The following AGRN variants were observed in gnomAD, a reference collection of about 807,000 sequenced individuals.
AGRN encodes the protein agrin.
In AGRN, 106 loss-of-function variants were observed where a neutral mutation model predicts 211.0. The observed-to-expected ratio is 0.50, with a 90% CI of 0.43 to 0.59. The LOEUF (loss-of-function observed/expected upper bound fraction) is 0.59. AGRN is among the 20% of genes least tolerant of loss of function. The pLI, the probability that AGRN is intolerant of heterozygous loss-of-function variation, is 0.00. For synonymous variants in AGRN, 1,525 were observed against 1,332.5 expected, an observed-to-expected ratio of 1.14 and a Z score of -3.15; for missense variants, 3,040 against 2,982.6, an observed-to-expected ratio of 1.02 and a Z score of -0.45.
At position 1,048,683 on chromosome 1, in the gene AGRN, C is replaced by A; in HGVS notation, c.4106-184C>A. ...TCGTGAGGCTGAGGCAGGAGAATCG[C>A]TTGAACCTGGCAGGCGGAGGTTGCG... On this transcript the variant is annotated intron_variant, in intron 23 of 35. Transcript: ENST00000379370. The surrounding 1 kb of genome is among the most constrained non-coding windows in gnomAD (Gnocchi z 5.9). 1 of 728,030 alleles carries A rather than the reference C, an allele frequency of 1.4e-6. No individual in the cohort carries two copies. The allele number at this position is 728,030 out of a possible 1,614,324, so 45.1% of individuals were successfully genotyped here. A position where few individuals can be genotyped will look rare whatever the true frequency, so the allele number is the denominator to read the frequency against.
At position 1,054,867 on chromosome 1, in the gene AGRN, C is replaced by T. The variant is rs1182389812; in HGVS notation, c.6024C>T (p.Ala2008=). The T allele has an allele frequency of 1.9e-6, 3 of 1,557,520 alleles. No homozygotes were observed. The highest frequency in any genetic ancestry group is 1.4e-5 in the African/African-American group (1 of 73,740). Residue 2008 remains alanine, a synonymous_variant, in exon 36 of 36, where the codon GCC becomes GCT. Coordinates refer to ENST00000379370, the MANE Select transcript of AGRN (RefSeq NM_198576.4). Reference sequence around the variant, plus strand: ...CCGTGGGCCCAGCACTGCCCAAGGCCTACGGCACAGGCTTTGTGGGCTGCT... The same window carrying T: ...CCGTGGGCCCAGCACTGCCCAAGGCTTACGGCACAGGCTTTGTGGGCTGCT... ...ELPVGPALPK[A]YGTGFVGCLR...
At chr1:1,020,457 C>T (rs907891548) in intron 1 of AGRN, 84 bp downstream of exon 1, 5 of 1,330,736 alleles carry the variant, frequency 3.8e-6, no homozygotes, top group Admixed American at 2.7e-5. Flanking sequence ...GAACCAGCCC[C>T]GGTCGCTCCG....
At chr1:1,028,134 G>A (rs1434798310) in intron 2 of AGRN, among the ~76,000 whole-genome samples, 1 of 152,184 alleles carries the variant, frequency 6.6e-6, no homozygotes, top group Non-Finnish European at 1.5e-5. Context: ...AGCCGGGAAG[G>A]AGCTGTGCAT....
chr1:1,044,256 C>G lies in AGRN; in HGVS notation c.2147C>G (p.Pro716Arg). 1.9e-6 allele frequency: 3 copies of G among 1,612,784 alleles called. No individual in the cohort carries two copies. Among genetic ancestry groups the G allele is most frequent in the Non-Finnish European group, 2.5e-6 (3 of 1,179,844 alleles). The stretch of plus-strand genomic sequence containing the variant: ...AGCTGCCAGAGTGTCCCAGGCAGCC[C>G]GGTGAGCTCTGTACCCCTGGCTCTC... Reference protein sequence around the residue: ...DFSCQSVPGSPVCGSDGVTYS... With the variant: ...DFSCQSVPGSRVCGSDGVTYS... Residue 716 changes from proline (P) to arginine (R), a missense_variant and splice_region_variant, in exon 11 of 36, where the codon CCG becomes CGG. By Grantham distance (103) the Pro-to-Arg change is moderately radical. Transcript: ENST00000379370.
intron 22 of AGRN, 54 bp downstream of exon 22, chr1:1,047,949 C>T: frequency 1.3e-6 from 2 of 1,584,174 alleles, no homozygotes; most frequent in Admixed American, 3.6e-5. Flanking sequence ...TGCCCATGCC[C>T]CTGCCCCTCA....
At chr1:1,025,442 C>T (rs1343720835) in intron 2 of AGRN, among the ~76,000 whole-genome samples, 1 of 152,140 alleles carries the variant, frequency 6.6e-6, no homozygotes, top group East Asian at 1.9e-4. Context: ...ACCAGGCTCC[C>T]CTCAGTGTGG....
rs1645174652 is a variant in AGRN, at chr1:1,048,726, C to T, written c.4106-141C>T. 3.0e-6 allele frequency: 3 copies of T among 1,016,944 alleles called. No homozygotes were observed. Among genetic ancestry groups the T allele is most frequent in the Non-Finnish European group, 4.2e-6 (3 of 720,424 alleles). 63.0% of individuals were successfully genotyped at this position (1,016,944 alleles called of 1,614,324 possible). ...AGGTTGCGGTGAGCCAGGATCGCGC[C>T]ACTGCACTCCAGCCGGGGCAAAAAG... On this transcript the variant is annotated intron_variant, in intron 23 of 35. Coordinates refer to ENST00000379370, the MANE Select transcript of AGRN (RefSeq NM_198576.4). The surrounding 1 kb of genome is among the most constrained non-coding windows in gnomAD (Gnocchi z 5.9).
Position 1,054,465 on chromosome 1 carries a change from C to G in AGRN, c.5894C>G (p.Ser1965Cys). 1 of 1,593,908 alleles carries G rather than the reference C, an allele frequency of 6.3e-7. No individual in the cohort carries two copies. The highest frequency in any genetic ancestry group is 8.5e-7 in the Non-Finnish European group (1 of 1,170,656). The change falls in exon 35 of 36, where the codon TCC becomes TGC. Residue 1965 changes from serine (S) to cysteine (C), a missense_variant. By Grantham distance (112) the Ser-to-Cys change is moderately radical. Transcript: ENST00000379370. ...VVAHREQREG[S>C]LQVGNEAPVT... ...ACACCCAGGGAGCAGAGGGAAGGTT[C>G]CCTGCAGGTGGGCAATGAGGCCCCT...
Position 1,045,474 on chromosome 1 carries a change from C to G in AGRN, c.2487C>G (p.Gly829=). ...GGLRCDRCEP[G]FWNFRGIVTD... is the part of the protein sequence containing the mutation. ...TCAGGTGTGACCGCTGTGAGCCTGG[C>G]TTCTGGAACTTTCGAGGCATCGTCA... The change falls in exon 14 of 36, where the codon GGC becomes GGG. Residue 829 remains glycine, a synonymous_variant. Transcript: ENST00000379370. 1 of 1,612,958 alleles carries G rather than the reference C, an allele frequency of 6.2e-7. No homozygotes were observed. The highest frequency in any genetic ancestry group is 1.7e-5 in the Admixed American group (1 of 60,022).
At chr1:1,054,576 A>C (rs751069135) in intron 35 of AGRN, 25 bp downstream of exon 35, 13 of 1,564,806 alleles carry the variant, frequency 8.3e-6, no homozygotes, top group Middle Eastern at 4.5e-4. Context: ...GAGACTAGAG[A>C]GGGATGCCCA....
At chr1:1,021,455 G>C (rs1424322164) in intron 1 of AGRN, among the ~76,000 whole-genome samples, 1 of 152,252 alleles carries the variant, frequency 6.6e-6, no homozygotes, top group Non-Finnish European at 1.5e-5. Flanking sequence ...CTGCGCAGTG[G>C]ACAGGCCAAC....
chr1:1,055,562 G>T lies in AGRN; in HGVS notation c.*581G>T. 1 of 185,766 alleles carries T rather than the reference G, an allele frequency of 5.4e-6. No individual in the cohort carries two copies. The highest frequency in any genetic ancestry group is 5.4e-5 in the Admixed American group (1 of 18,610). 11.5% of individuals were successfully genotyped at this position (185,766 alleles called of 1,614,324 possible). ...CAGAGGCCAGACCAGGGCCGATCTG[G>T]GTGTCCTGACCCTCAGCTGGCCCTG... On this transcript the variant is annotated 3_prime_UTR_variant, in exon 36 of 36. Coordinates refer to ENST00000379370, the MANE Select transcript of AGRN (RefSeq NM_198576.4).
chr1:1,045,817 G>T lies in AGRN; in HGVS notation c.2621G>T (p.Gly874Val), dbSNP rs1301356166. ...GLCSCKPGVA[G>V]PKCGQCPDGR... ...TGCTCGTGTAAGCCCGGGGTGGCTGGACCCAAGTGTGGGCAGTGTCCAGAC... is the reference window on the plus strand; with the variant it reads ...TGCTCGTGTAAGCCCGGGGTGGCTGTACCCAAGTGTGGGCAGTGTCCAGAC... Residue 874 changes from glycine (G) to valine (V), a missense_variant, in exon 15 of 36, where the codon GGA (glycine) becomes GTA (valine). Around this residue, in one of 3 missense-constraint regions of AGRN, gnomAD observed 1,498 missense variants for 1,457.8 expected, o/e 1.03. Coordinates refer to ENST00000379370, the MANE Select transcript of AGRN (RefSeq NM_198576.4). The T allele has an allele frequency of 6.2e-7, 1 of 1,612,788 alleles. No homozygotes were observed. Among genetic ancestry groups the T allele is most frequent in the Non-Finnish European group, 8.5e-7 (1 of 1,179,938 alleles).
intron 3 of AGRN, among the ~76,000 whole-genome samples, chr1:1,040,095 T>G (rs1570187620): frequency 6.6e-6 from 1 of 152,098 alleles, no homozygotes. Flanking sequence ...CCGGTGGGGC[T>G]CTCAGGCCCC....
intron 3 of AGRN, among the ~76,000 whole-genome samples, chr1:1,038,565 C>T (rs140520789): frequency 6.6e-6 from 1 of 152,228 alleles, no homozygotes; most frequent in Non-Finnish European, 1.5e-5. Flanking sequence ...GGATGAGGAG[C>T]ATGCCCGCCA....
chr1:1,031,087 TTG>T lies in AGRN; in HGVS notation c.464-4175_464-4174del, dbSNP rs200116641. ...GCAGTGCATGGTGCTGTGAGTGTGATTGTGTGTGTGTGTGTGCGGTGCATGGT... is the reference window on the plus strand; with the variant it reads ...GCAGTGCATGGTGCTGTGAGTGTGATTGTGTGTGTGTGTGCGGTGCATGGT... On this transcript the variant is annotated intron_variant, in intron 2 of 35. Coordinates refer to ENST00000379370, the MANE Select transcript of AGRN (RefSeq NM_198576.4). This position sits in a 1 kb window ranked among gnomAD's most constrained non-coding sequence, Gnocchi z 4.8. 1.8e-3 allele frequency among the ~76,000 whole-genome samples: 118 copies of T among 64,502 alleles called. 2 individuals are homozygous for T. Among genetic ancestry groups the T allele is most frequent in the African/African-American group, 4.9e-3 (77 of 15,628 alleles). The allele number at this position is 64,502 out of a possible 152,430, so 42.3% of individuals were successfully genotyped here.
rs560798701 is a variant in AGRN at position 1,055,513 on chromosome 1, C to T, written c.*532C>T. 263 of 210,384 alleles carry T rather than the reference C, an allele frequency of 1.3e-3. No individual in the cohort carries two copies. Among genetic ancestry groups the T allele is most frequent in the Non-Finnish European group, 2.2e-3 (226 of 103,182 alleles). 13.0% of individuals were successfully genotyped at this position (210,384 alleles called of 1,614,324 possible). ...CTCTGCGTTGCTCCCGTGCTGCCTG[C>T]GCCAGCCCCAGGCTGCTGAGGAGCA... On this transcript the variant is annotated 3_prime_UTR_variant, in exon 36 of 36. Coordinates refer to ENST00000379370, the MANE Select transcript of AGRN (RefSeq NM_198576.4).
intron 7 of AGRN, 115 bp downstream of exon 7, chr1:1,042,277 C>A: frequency 2.3e-6 from 3 of 1,306,768 alleles, no homozygotes; most frequent in Non-Finnish European, 2.1e-6. Flanking sequence ...TGGGAGTGGG[C>A]CGGTCCCTCT....
At chr1:1,022,161 A>G (rs1224428402) in intron 1 of AGRN, 40 bp from the exon 2 acceptor site, 3 of 1,612,418 alleles carry the variant, frequency 1.9e-6, no homozygotes, top group East Asian at 2.2e-5. Context: ...CCCCTTCCCC[A>G]GGAGAGGACT....
Sources: allele counts gnomAD v4.1 joint callset (sites outside exome capture counted in the v4.1 genomes callset), GRCh38; gene constraint gnomAD v4.1.1; regional missense constraint gnomAD v4.1.1; non-coding constraint Gnocchi (gnomAD v3.1); transcripts MANE v1.5; gene names NCBI Gene and HGNC (gene_info 2026-07-23, HGNC 2026-07-21).